Variants in PDE4B observed in about 807,000 individuals in gnomAD.
PDE4B encodes the protein 3',5'-cyclic-AMP phosphodiesterase 4B.
A neutral mutation model predicts 82.2 loss-of-function variants in PDE4B; 20 were observed. The observed-to-expected ratio is 0.24, with a 90% CI of 0.17 to 0.35. PDE4B has a LOEUF of 0.35. Ranked by LOEUF, PDE4B falls within the 10% of genes least tolerant of loss-of-function variation. PDE4B has a pLI of 1.00. For missense variants in PDE4B, 655 were observed against 907.2 expected, an observed-to-expected ratio of 0.72 and a Z score of 3.57; for synonymous variants, 320 against 318.9, an observed-to-expected ratio of 1.00 and a Z score of -0.04.
intron 3 of PDE4B, among the ~76,000 whole-genome samples, chr1:66,196,484 C>A (rs1369808921): frequency 6.6e-6 from 1 of 152,174 alleles, no homozygotes; most frequent in African/African-American, 2.4e-5. Flanking sequence ...TTTAGGCCAG[C>A]ACATCTCTGT....
chr1:65,907,164 C>G (rs758107969), intron 1 of PDE4B, among the ~76,000 whole-genome samples: 26 of 152,224 alleles, frequency 1.7e-4, no homozygotes, highest in South Asian at 4.2e-4. Flanking sequence ...GGAGGAAGCA[C>G]ATTTGCCTCT....
chr1:66,306,191 A>G (rs1658263516), intron 7 of PDE4B, among the ~76,000 whole-genome samples: 1 of 152,212 alleles, frequency 6.6e-6, no homozygotes, highest in Non-Finnish European at 1.5e-5. Flanking sequence ...ATGAGATGTT[A>G]GACCTGGGTT....
At chr1:66,290,349 G>T (rs955497679) in intron 7 of PDE4B, among the ~76,000 whole-genome samples, 1 of 152,124 alleles carries the variant, frequency 6.6e-6, no homozygotes, top group African/African-American at 2.4e-5. Context: ...TGTGTACCAG[G>T]TAATGTTCTA....
chr1:66,340,785 T>C (rs1481236267), intron 8 of PDE4B, among the ~76,000 whole-genome samples: 4 of 152,140 alleles, frequency 2.6e-5, no homozygotes, highest in Admixed American at 2.6e-4. Flanking sequence ...GTGTTGGCAT[T>C]TGATATCTAA....
chr1:65,829,125 A>T (rs2101283953), intron 1 of PDE4B, among the ~76,000 whole-genome samples: 1 of 152,330 alleles, frequency 6.6e-6, no homozygotes, highest in East Asian at 1.9e-4. Flanking sequence ...ATATGGAAAG[A>T]TATACCATGA....
Position 66,216,817 on chromosome 1 carries a change from CT to C in PDE4B, c.282-30641del, listed in dbSNP as rs534022316. 7.9e-5 allele frequency among the ~76,000 whole-genome samples: 12 copies of C among 152,192 alleles called. 1 individual carries two copies. In the South Asian group the frequency reaches 2.5e-3, roughly 32 times the overall value. ...GAGGCTGGTTGGAAAAGAAAGCAGT[CT>C]TAATAGCACAGTCATTAATTTGCCA... On this transcript the variant is annotated intron_variant, in intron 3 of 16. Transcript: ENST00000341517.
chr1:66,222,139 G>A (rs1487040702), intron 3 of PDE4B, among the ~76,000 whole-genome samples: 1 of 152,128 alleles, frequency 6.6e-6, no homozygotes, highest in South Asian at 2.1e-4. Flanking sequence ...CGGCTGGAGG[G>A]CCAGCCATCT....
intron 3 of PDE4B, among the ~76,000 whole-genome samples, chr1:66,221,442 CA>C (rs575649704): frequency 8.4e-4 from 127 of 151,836 alleles, no homozygotes; most frequent in African/African-American, 2.9e-3. Flanking sequence ...GCCCAGCAAC[CA>C]AAAAAATAAA....
chr1:66,123,915 A>G (rs1645765915), intron 3 of PDE4B, among the ~76,000 whole-genome samples: 1 of 152,250 alleles, frequency 6.6e-6, no homozygotes, highest in African/African-American at 2.4e-5. Context: ...GACAATAATG[A>G]TAATAACAAT....
At chr1:66,184,478 A>G (rs1428213838) in intron 3 of PDE4B, among the ~76,000 whole-genome samples, 1 of 152,196 alleles carries the variant, frequency 6.6e-6, no homozygotes, top group Non-Finnish European at 1.5e-5. Flanking sequence ...AAATTTTACC[A>G]AAAGCTATGG....
rs2050861511 is a variant in PDE4B at position 66,373,591 on chromosome 1, C to G, written c.*913C>G. The G allele has an allele frequency of 6.5e-6, 1 of 152,726 alleles. No homozygotes were observed. Among genetic ancestry groups the G allele is most frequent in the South Asian group, 2.1e-4 (1 of 4,834 alleles). 9.5% of individuals were successfully genotyped at this position (152,726 alleles called of 1,614,324 possible). On this transcript the variant is annotated 3_prime_UTR_variant, in exon 17 of 17. Coordinates refer to ENST00000341517, the MANE Select transcript of PDE4B (RefSeq NM_002600.4). Reference sequence around the variant, plus strand: ...GCTGTTTTCAATGTAATGCTGCCGTCCTTCTCTTGCACTGCCTTCTGCGCT... The same window carrying G: ...GCTGTTTTCAATGTAATGCTGCCGTGCTTCTCTTGCACTGCCTTCTGCGCT...
At chr1:66,174,929 C>T (rs186805583) in intron 3 of PDE4B, among the ~76,000 whole-genome samples, 9 of 152,216 alleles carry the variant, frequency 5.9e-5, no homozygotes, top group South Asian at 4.2e-4. Context: ...AAGCAAGGCG[C>T]GTCTTACATG....
At chr1:66,090,381 C>G (rs1048495092) in intron 3 of PDE4B, among the ~76,000 whole-genome samples, 1 of 151,572 alleles carries the variant, frequency 6.6e-6, no homozygotes, top group Admixed American at 6.6e-5. Context: ...AATGTACCAT[C>G]AAGGGCAGGA....
rs185160158 is a variant in PDE4B at position 65,906,502 on chromosome 1, G to A, written c.-70-6743G>A. On this transcript the variant is annotated intron_variant, in intron 1 of 16. Transcript: ENST00000341517. ...CTTTATGGTATTTTAAACCATAAGA[G>A]ATTAATCAGTGATTACTTTTTTTTA... is the stretch of plus-strand genomic sequence containing the variant. Among the ~76,000 whole-genome samples, 522 of 152,200 alleles carry A rather than the reference G, an allele frequency of 3.4e-3. 1 individual carries two copies. The highest frequency in any genetic ancestry group is 0.012 in the African/African-American group (488 of 41,530).
intron 3 of PDE4B, chr1:66,050,427 AG>A (rs1254912282): frequency 6.6e-6 from 1 of 152,120 alleles, no homozygotes; most frequent in Non-Finnish European, 1.5e-5. Flanking sequence ...ATAAATTCTA[AG>A]AAAGTATAAT....
At chr1:65,862,001 C>G (rs1028323362) in intron 1 of PDE4B, among the ~76,000 whole-genome samples, 4 of 152,044 alleles carry the variant, frequency 2.6e-5, no homozygotes, top group African/African-American at 9.7e-5. Flanking sequence ...CAAACAGAGA[C>G]TGTTTGACTA....
chr1:66,265,440 T>G (rs987969701), intron 6 of PDE4B, among the ~76,000 whole-genome samples: 4 of 152,188 alleles, frequency 2.6e-5, no homozygotes, highest in Non-Finnish European at 4.4e-5. Flanking sequence ...CTTGTTTCAT[T>G]TAACCCCTGA....
intron 1 of PDE4B, among the ~76,000 whole-genome samples, chr1:65,813,240 G>T (rs1290287392): frequency 3.3e-5 from 5 of 152,278 alleles, no homozygotes; most frequent in Non-Finnish European, 4.4e-5. Flanking sequence ...ACTAATCGTG[G>T]GAGGTCACTA....
intron 1 of PDE4B, among the ~76,000 whole-genome samples, chr1:65,879,733 G>T (rs984615129): frequency 9.2e-5 from 14 of 152,134 alleles, no homozygotes; most frequent in African/African-American, 3.4e-4. Context: ...CAAGGAATAT[G>T]GAAGAAAGTG....
Sources: allele counts gnomAD v4.1 joint callset (sites outside exome capture counted in the v4.1 genomes callset), GRCh38; gene constraint gnomAD v4.1.1; transcripts MANE v1.5; gene names NCBI Gene and HGNC (gene_info 2026-07-23, HGNC 2026-07-21).